The following FABP3 variants were observed in gnomAD, a reference collection of about 807,000 sequenced individuals.
The protein encoded by FABP3 is fatty acid binding protein 3, also known as fatty acid-binding protein, heart.
Under a neutral mutation model 13.4 loss-of-function variants are expected in FABP3, and 8 were observed. The ratio of observed to expected loss-of-function variants is 0.60; its 90% CI spans 0.35 to 1.07. The LOEUF is 1.07. FABP3 is among the 50% of genes least tolerant of loss of function. The pLI is 0.02. For synonymous variants in FABP3, 64 were observed against 60.0 expected (o/e 1.07, Z -0.31); for missense variants, 135 against 164.7 (o/e 0.82, Z 0.99).
chr1:31,362,499 T>C (rs1639945873), downstream of FABP3, among the ~76,000 whole-genome samples: 1 of 152,212 alleles, frequency 6.6e-6, no homozygotes. Flanking sequence ...CTCTCGTCTT[T>C]TGTATGGGTT....
intron 2 of FABP3, among the ~76,000 whole-genome samples, chr1:31,368,089 T>C (rs1425448576): frequency 6.6e-6 from 1 of 152,214 alleles, no homozygotes; most frequent in Non-Finnish European, 1.5e-5. Context: ...TGGATGCCCT[T>C]GAAGTGGTTC....
chr1:31,360,448 C>T (rs1049648760), downstream of FABP3, among the ~76,000 whole-genome samples: 3 of 152,212 alleles, frequency 2.0e-5, no homozygotes, highest in East Asian at 1.9e-4. Context: ...GGATCACAGG[C>T]GTGAGCCACC....
In FABP3 at chr1:31,365,892, C is replaced by T. The variant is rs1640099286; in HGVS notation, c.396G>A (p.Glu132=). The change falls in exon 4 of 4, where the codon GAG becomes GAA. Residue 132 remains glutamate (E), a synonymous_variant. Coordinates refer to ENST00000373713, the MANE Select transcript of FABP3 (RefSeq NM_004102.5). ...TAVCTRTYEK[E]A ...CAGCAACAGTGCAGTCAGGTCATGCCTCTTTCTCATAAGTGCGAGTGCAAA... is the reference window on the plus strand; with the variant it reads ...CAGCAACAGTGCAGTCAGGTCATGCTTCTTTCTCATAAGTGCGAGTGCAAA... The T allele has an allele frequency of 6.2e-7, 1 of 1,613,930 alleles. No homozygotes were observed. Among genetic ancestry groups the T allele is most frequent in the Non-Finnish European group, 8.5e-7 (1 of 1,179,974 alleles).
chr1:31,364,169 G>T (rs1640042339), downstream of FABP3: 1 of 1,613,550 alleles, frequency 6.2e-7, no homozygotes, highest in South Asian at 1.1e-5. Flanking sequence ...AGAAGAAGAA[G>T]CACAAGAAGA....
chr1:31,371,529 G>A (rs889824216), intron 1 of FABP3, among the ~76,000 whole-genome samples: 1 of 152,178 alleles, frequency 6.6e-6, no homozygotes, highest in Non-Finnish European at 1.5e-5. Flanking sequence ...CCATTCCTAC[G>A]ATGAGAATGC....
chr1:31,365,758 TCA>T lies in FABP3; in HGVS notation c.*126_*127del. 1 of 783,464 alleles carries T rather than the reference TCA, an allele frequency of 1.3e-6. No individual in the cohort carries two copies. The allele number at this position is 783,464 out of a possible 1,614,324, so 48.5% of individuals were successfully genotyped here. On this transcript the variant is annotated 3_prime_UTR_variant, in exon 4 of 4. Transcript: ENST00000373713. ...CATGGGAACTGGAACTGGATCCCGG[TCA>T]GTGGCACCTGACCCCAGAAGAATTC...
rs1640190980 is a variant in FABP3 at position 31,370,560 on chromosome 1, G to A, written c.74-1003C>T. 3.9e-5 allele frequency among the ~76,000 whole-genome samples: 6 copies of A among 152,296 alleles called. No homozygotes were observed. In the South Asian group the frequency reaches 1.2e-3, roughly 32 times the overall value. ...GATCTAGGAGTTAGGTACAAAGGAAGTATTTGTCCTATTGTGCAGATTCAG... is the reference window on the plus strand; with the variant it reads ...GATCTAGGAGTTAGGTACAAAGGAAATATTTGTCCTATTGTGCAGATTCAG... On this transcript the variant is annotated intron_variant, in intron 1 of 3. Transcript: ENST00000373713.
At chr1:31,370,241 A>G (rs13376092) in intron 1 of FABP3, among the ~76,000 whole-genome samples, 3,824 of 152,328 alleles carry the variant, frequency 0.025, 154 homozygotes, top group African/African-American at 0.087. Flanking sequence ...GGTAAAGCCC[A>G]GGGTCACAAA....
intron 3 of FABP3, 61 bp from the exon 4 acceptor site, chr1:31,366,000 A>G (rs566689949): frequency 4.6e-5 from 66 of 1,436,340 alleles, no homozygotes; most frequent in South Asian, 1.0e-4. Flanking sequence ...CGAGCATTCT[A>G]CCCTCCCTTC....
In FABP3 at chr1:31,372,954, TGTA is replaced by T. The variant is rs772746143; in HGVS notation, c.58_60del (p.Tyr20del). On this transcript the variant is annotated inframe_deletion, in exon 1 of 4. Transcript: ENST00000373713. ...GCGGCTTGCTCACCGAGTGACTTCA[TGTA>T]GTCATCGAAATTCTTGCTGTCCACT... 6 of 1,613,674 alleles carry T rather than the reference TGTA, an allele frequency of 3.7e-6. No homozygotes were observed. Among genetic ancestry groups the T allele is most frequent in the Non-Finnish European group, 5.1e-6 (6 of 1,180,030 alleles).
chr1:31,370,894 T>C (rs1569980051), intron 1 of FABP3, among the ~76,000 whole-genome samples: 1 of 152,372 alleles, frequency 6.6e-6, no homozygotes, highest in East Asian at 1.9e-4. Flanking sequence ...GGAAGCTAGG[T>C]ACTCTGCACA....
chr1:31,361,019 TA>T (rs1639868344), downstream of FABP3, among the ~76,000 whole-genome samples: 1 of 152,218 alleles, frequency 6.6e-6, no homozygotes, highest in Non-Finnish European at 1.5e-5. Flanking sequence ...TTTTCATTTT[TA>T]CTTTCCCAGG....
At chr1:31,362,350 GCTCT>G (rs1322694276), downstream of FABP3, among the ~76,000 whole-genome samples, 1 of 152,158 alleles carries the variant, frequency 6.6e-6, no homozygotes, top group Non-Finnish European at 1.5e-5. Flanking sequence ...ATCCTTTTCT[GCTCT>G]CTTTCTCCTC....
intron 1 of FABP3, among the ~76,000 whole-genome samples, chr1:31,371,665 C>T (rs1640211880): frequency 6.6e-6 from 1 of 152,198 alleles, no homozygotes. Context: ...CAAGACTCAG[C>T]TCTGGCCCAG....
chr1:31,364,962 CCTT>C (rs1371922640), downstream of FABP3: 1 of 152,198 alleles, frequency 6.6e-6, no homozygotes, highest in Admixed American at 6.5e-5. Context: ...TTCCTATAAT[CCTT>C]CTTCCTGGGT....
chr1:31,363,267 T>C (rs1639993208), downstream of FABP3, among the ~76,000 whole-genome samples: 1 of 150,452 alleles, frequency 6.6e-6, no homozygotes, highest in African/African-American at 2.5e-5. Flanking sequence ...CACTGCAAGC[T>C]CCGCCTCCTG....
chr1:31,367,480 C>T lies in FABP3; in HGVS notation c.261G>A (p.Leu87=). The change falls in exon 3 of 4, where the codon CTG becomes CTA. Residue 87 remains leucine (L), a synonymous_variant. Coordinates refer to ENST00000373713, the MANE Select transcript of FABP3 (RefSeq NM_004102.5). The part of the protein sequence containing the change: ...DDRKVKSIVT[L]DGGKLVHLQK... ...GCAGGTGAACAAGTTTCCCTCCATC[C>T]AGTGTCACAATGGACTGTGGAAAGA... 6.2e-7 allele frequency: 1 copy of T among 1,614,100 alleles called. No individual in the cohort carries two copies. The highest frequency in any genetic ancestry group is 8.5e-7 in the Non-Finnish European group (1 of 1,179,932).
intron 3 of FABP3, among the ~76,000 whole-genome samples, chr1:31,367,033 C>T (rs1316994928): frequency 6.6e-6 from 1 of 152,186 alleles, no homozygotes; most frequent in Non-Finnish European, 1.5e-5. Context: ...AAACAAAGGA[C>T]ATGGAGCACC....
At chr1:31,372,621 C>G (rs1010625260) in intron 1 of FABP3, among the ~76,000 whole-genome samples, 5 of 152,294 alleles carry the variant, frequency 3.3e-5, no homozygotes, top group African/African-American at 1.2e-4. Flanking sequence ...CTTTTTCTCC[C>G]CTGGCTACAC....
Sources: allele counts gnomAD v4.1 joint callset (sites outside exome capture counted in the v4.1 genomes callset), GRCh38; gene constraint gnomAD v4.1.1; transcripts MANE v1.5; gene names NCBI Gene and HGNC (gene_info 2026-07-23, HGNC 2026-07-21).